Variants in ROR1 observed in about 807,000 individuals in gnomAD.
ROR1 encodes ROR family WNT receptor 1, also known as inactive tyrosine-protein kinase transmembrane receptor ROR1.
Under a neutral mutation model 78.8 loss-of-function variants are expected in ROR1, and 19 were observed. The ratio of observed to expected loss-of-function variants is 0.24; its 90% CI spans 0.17 to 0.35. The LOEUF is 0.35. Among genes scored for constraint, ROR1 ranks in the 10% least tolerant of loss-of-function variants. The probability of loss-of-function intolerance (pLI) is 1.00; values close to 1 mark genes in which losing one functional copy is unlikely to be tolerated. For missense variants in ROR1, 917 were observed against 1,177.8 expected, an observed-to-expected ratio of 0.78 and a Z score of 3.24; for synonymous variants, 386 against 433.6, an observed-to-expected ratio of 0.89 and a Z score of 1.36.
chr1:63,870,923 A>C (rs1645247252), intron 1 of ROR1, among the ~76,000 whole-genome samples: 1 of 152,216 alleles, frequency 6.6e-6, no homozygotes. Flanking sequence ...CAAGAATTCA[A>C]AACTTTGCTC....
chr1:64,176,374 G>C (rs910776716), intron 8 of ROR1, among the ~76,000 whole-genome samples: 2 of 152,170 alleles, frequency 1.3e-5, no homozygotes, highest in African/African-American at 4.8e-5. Flanking sequence ...ACATAGGTCT[G>C]AGTGCTTTAC....
At position 63,999,236 on chromosome 1, in the gene ROR1, C is replaced by T. The variant is rs551106375; in HGVS notation, c.92-10069C>T. On this transcript the variant is annotated intron_variant, in intron 1 of 8. Coordinates refer to ENST00000371079, the MANE Select transcript of ROR1 (RefSeq NM_005012.4). Reference sequence around the variant, plus strand: ...CCAAGTTTGCAGGCAAAGACAGATACGTGATTATGACAGGTGAAGATGTAC... The same window carrying T: ...CCAAGTTTGCAGGCAAAGACAGATATGTGATTATGACAGGTGAAGATGTAC... 3.9e-5 allele frequency among the ~76,000 whole-genome samples: 6 copies of T among 152,302 alleles called. No individual in the cohort carries two copies. The South Asian group carries it at 6.2e-4, about 16-fold the overall frequency.
chr1:63,796,858 G>A (rs1033187898), intron 1 of ROR1, among the ~76,000 whole-genome samples: 55 of 152,130 alleles, frequency 3.6e-4, no homozygotes, highest in African/African-American at 1.2e-3. Flanking sequence ...AGAGAGCAGC[G>A]GGCCCCAGCC....
intron 2 of ROR1, among the ~76,000 whole-genome samples, chr1:64,013,782 G>A (rs1223763918): frequency 6.6e-6 from 1 of 152,158 alleles, no homozygotes; most frequent in East Asian, 1.9e-4. Flanking sequence ...TCCTTACCTC[G>A]GTGTATTGAA....
At chr1:64,120,465 A>G (rs1330344334) in intron 4 of ROR1, among the ~76,000 whole-genome samples, 1 of 152,206 alleles carries the variant, frequency 6.6e-6, no homozygotes, top group East Asian at 1.9e-4. Context: ...TTTCATTTTA[A>G]TGTGTAATAA....
intron 7 of ROR1, among the ~76,000 whole-genome samples, chr1:64,153,398 C>CT (rs35454194): frequency 0.27 from 41,576 of 152,028 alleles, 5,961 homozygotes; most frequent in East Asian, 0.41. Flanking sequence ...AATCCCATTT[C>CT]TGAGTATTTA....
At chr1:64,038,448 T>A (rs1646720863) in intron 2 of ROR1, among the ~76,000 whole-genome samples, 1 of 152,164 alleles carries the variant, frequency 6.6e-6, no homozygotes, top group Non-Finnish European at 1.5e-5. Flanking sequence ...GACTTGTACT[T>A]CCAAATTAGA....
chr1:64,006,919 C>T (rs1646432098), intron 1 of ROR1, among the ~76,000 whole-genome samples: 1 of 152,114 alleles, frequency 6.6e-6, no homozygotes, highest in African/African-American at 2.4e-5. Context: ...CTTGTTCAAG[C>T]TTAGTCAGTG....
chr1:63,793,414 A>G (rs1232932377), intron 1 of ROR1, among the ~76,000 whole-genome samples: 1 of 152,254 alleles, frequency 6.6e-6, no homozygotes, highest in Non-Finnish European at 1.5e-5. Context: ...TCCTAGCATA[A>G]CATTATGGCT....
intron 1 of ROR1, among the ~76,000 whole-genome samples, chr1:64,001,941 A>G (rs1646386909): frequency 6.6e-6 from 1 of 151,780 alleles, no homozygotes; most frequent in Admixed American, 6.6e-5. Flanking sequence ...TTTCCTTGTG[A>G]CATTTTATTC....
chr1:63,999,295 G>A (rs1173014284), intron 1 of ROR1, among the ~76,000 whole-genome samples: 1 of 152,222 alleles, frequency 6.6e-6, no homozygotes, highest in Admixed American at 6.5e-5. Flanking sequence ...GAAGATCGGA[G>A]TCTTTCTTGG....
intron 1 of ROR1, among the ~76,000 whole-genome samples, chr1:63,985,785 T>C (rs2100514421): frequency 6.6e-6 from 1 of 151,868 alleles, no homozygotes; most frequent in Middle Eastern, 3.4e-3. Flanking sequence ...ATGTGTATAA[T>C]GTGTGTATAA....
At chr1:64,017,771 C>T (rs111438556) in intron 2 of ROR1, among the ~76,000 whole-genome samples, 7 of 152,136 alleles carry the variant, frequency 4.6e-5, no homozygotes, top group African/African-American at 1.7e-4. Flanking sequence ...TCCCAGCAAC[C>T]GCTGCCCCAG....
intron 1 of ROR1, among the ~76,000 whole-genome samples, chr1:63,861,600 C>T (rs74077461): frequency 0.042 from 6,365 of 152,214 alleles, 310 homozygotes; most frequent in African/African-American, 0.11. Flanking sequence ...TGACTGTGCT[C>T]AGGAATACTT....
chr1:64,046,939 C>T (rs1402880943), intron 2 of ROR1, among the ~76,000 whole-genome samples: 2 of 152,208 alleles, frequency 1.3e-5, no homozygotes, highest in Admixed American at 6.5e-5. Context: ...CAGGTGAATA[C>T]TAAAGTAAAG....
chr1:64,004,698 G>A (rs1384676460), intron 1 of ROR1, among the ~76,000 whole-genome samples: 2 of 152,188 alleles, frequency 1.3e-5, no homozygotes, highest in Non-Finnish European at 2.9e-5. Context: ...CCTGCCAACT[G>A]CTGAGATGAA....
intron 1 of ROR1, among the ~76,000 whole-genome samples, chr1:63,834,118 G>A (rs1645005839): frequency 6.7e-6 from 1 of 150,360 alleles, no homozygotes; most frequent in Admixed American, 6.7e-5. Context: ...AGGCTGTTAA[G>A]CTCTTGTAGT....
chr1:64,100,612 C>G (rs1377433240), intron 4 of ROR1, among the ~76,000 whole-genome samples: 2 of 152,160 alleles, frequency 1.3e-5, no homozygotes, highest in Non-Finnish European at 2.9e-5. Context: ...GATAAATACT[C>G]CAAGCCTTCA....
At chr1:64,023,758 G>C (rs1413160070) in intron 2 of ROR1, among the ~76,000 whole-genome samples, 3 of 152,130 alleles carry the variant, frequency 2.0e-5, no homozygotes, top group Non-Finnish European at 4.4e-5. Context: ...AAATTCGCAA[G>C]CATCTTTCTG....
Sources: gnomAD v4.1 joint callset for allele counts (sites outside exome capture counted in the v4.1 genomes callset) on GRCh38, gnomAD v4.1.1 for gene constraint, MANE v1.5 for transcripts, NCBI Gene and HGNC (gene_info 2026-07-23, HGNC 2026-07-21) for gene names.